Variants in DEPDC5 observed in about 807,000 individuals in gnomAD.
DEPDC5 encodes DEP domain containing 5, GATOR1 subcomplex subunit, also known as GATOR1 complex protein DEPDC5.
Under a neutral mutation model 217.3 loss-of-function variants are expected in DEPDC5, and 73 were observed. The observed-to-expected ratio is 0.34, with a 90% CI of 0.28 to 0.41. The LOEUF (loss-of-function observed/expected upper bound fraction) is 0.41, where lower values mean the gene tolerates loss of function less well. DEPDC5 is among the 10% of genes least tolerant of loss of function. DEPDC5 has a pLI of 1.00. For synonymous variants in DEPDC5, 733 were observed against 756.7 expected (o/e 0.97, Z 0.51); for missense variants, 1,675 against 2,070.1 (o/e 0.81, Z 3.70).
chr22:31,861,281 T>A (rs897707181), intron 32 of DEPDC5, 87 bp from the exon 33 acceptor site: 1 of 1,234,448 alleles, frequency 8.1e-7, no homozygotes, highest in Admixed American at 2.1e-5. Context: ...ACCTGTCTCC[T>A]TCCCCTGATG....
chr22:31,764,927 T>G lies in DEPDC5; in HGVS notation c.194-48T>G, dbSNP rs1466385318. 3 of 1,440,398 alleles carry G rather than the reference T, an allele frequency of 2.1e-6. No individual in the cohort carries two copies. In the African/African-American group the frequency reaches 4.2e-5, roughly 20 times the overall value. The allele number at this position is 1,440,398 out of a possible 1,614,324, so 89.2% of individuals were successfully genotyped here. A position where few individuals can be genotyped will look rare whatever the true frequency, so the allele number is the denominator to read the frequency against. Reference sequence around the variant, plus strand: ...GTTTATAGATTAGAATATATGGATCTGCTTTTTCAAAATATGTTATCTGAG... The same window carrying G: ...GTTTATAGATTAGAATATATGGATCGGCTTTTTCAAAATATGTTATCTGAG... On this transcript the variant is annotated intron_variant, in intron 4 of 42. Coordinates refer to ENST00000651528, the MANE Select transcript of DEPDC5 (RefSeq NM_001242896.3).
chr22:31,843,569 A>G, intron 28 of DEPDC5, 76 bp from the exon 29 acceptor site: 1 of 1,515,922 alleles, frequency 6.6e-7, no homozygotes, highest in Non-Finnish European at 9.0e-7. Context: ...CTAAGTGTAT[A>G]GAGATAGAAA....
intron 39 of DEPDC5, chr22:31,894,573 AG>A (rs1176443793): frequency 6.6e-6 from 1 of 152,192 alleles, no homozygotes; most frequent in African/African-American, 2.4e-5. Context: ...AAGACAGAAA[AG>A]GGTGGCTGGG....
chr22:31,836,861 T>C, intron 25 of DEPDC5, 111 bp from the exon 26 acceptor site: 1 of 1,038,280 alleles, frequency 9.6e-7, no homozygotes, highest in Non-Finnish European at 1.4e-6. Context: ...TTTACCATCT[T>C]TCACCCTGAA....
intron 7 of DEPDC5, among the ~76,000 whole-genome samples, chr22:31,775,195 T>C (rs557539658): frequency 6.6e-6 from 1 of 152,202 alleles, no homozygotes; most frequent in Admixed American, 6.6e-5. Context: ...TTTTTTTTTT[T>C]TGAGACAGAG....
chr22:31,829,698 T>G (rs1199683542), intron 24 of DEPDC5, among the ~76,000 whole-genome samples: 1 of 152,182 alleles, frequency 6.6e-6, no homozygotes, highest in African/African-American at 2.4e-5. Flanking sequence ...ATCATCTCTG[T>G]GGGTTTCCCT....
intron 10 of DEPDC5, among the ~76,000 whole-genome samples, chr22:31,791,592 TG>T (rs1405874609): frequency 2.8e-4 from 39 of 137,224 alleles, no homozygotes; most frequent in African/African-American, 1.0e-3. Context: ...ATTGTGCCAC[TG>T]CACTCCAGCC....
At position 31,885,735 on chromosome 22, in the gene DEPDC5, A is replaced by G. The variant is rs895780781; in HGVS notation, c.4033+5983A>G. On this transcript the variant is annotated intron_variant, in intron 38 of 42. Transcript: ENST00000651528. ...GCGAGACTCCATCTCAAAAAAAAAA[A>G]AAAAAAAGAGACAGGGTTGGCCAGG... Among the ~76,000 whole-genome samples, 15 of 145,226 alleles carry G rather than the reference A, an allele frequency of 1.0e-4. No individual in the cohort carries two copies. In the East Asian group the frequency reaches 3.2e-3, roughly 31 times the overall value.
At chr22:31,791,271 C>T (rs531016051) in intron 10 of DEPDC5, among the ~76,000 whole-genome samples, 3 of 152,238 alleles carry the variant, frequency 2.0e-5, no homozygotes, top group African/African-American at 7.2e-5. Context: ...CCCAGCAGTG[C>T]TCTGTCCCCT....
intron 33 of DEPDC5, among the ~76,000 whole-genome samples, chr22:31,870,289 C>A (rs76409488): frequency 0.021 from 3,233 of 152,180 alleles, 119 homozygotes; most frequent in Admixed American, 0.084. Flanking sequence ...GAAGCGATTT[C>A]TTTGGTCCTG....
At chr22:31,856,610 G>A (rs1048130632) in intron 31 of DEPDC5, among the ~76,000 whole-genome samples, 11 of 152,248 alleles carry the variant, frequency 7.2e-5, no homozygotes, top group South Asian at 2.1e-4. Context: ...GTGAGATGTC[G>A]TAAGGATACT....
chr22:31,801,141 A>T (rs1384944936), intron 14 of DEPDC5, among the ~76,000 whole-genome samples: 2 of 151,768 alleles, frequency 1.3e-5, no homozygotes. Context: ...AAAAATACAT[A>T]AAAAACTTGC....
At chr22:31,845,401 G>A (rs1348413687) in intron 30 of DEPDC5, among the ~76,000 whole-genome samples, 164 bp downstream of exon 30, 5 of 152,224 alleles carry the variant, frequency 3.3e-5, no homozygotes, top group Admixed American at 3.3e-4. Context: ...CGGGGTAAAG[G>A]AGGAAGGGAT....
At chr22:31,799,655 C>T (rs1214277980) in intron 14 of DEPDC5, among the ~76,000 whole-genome samples, 1 of 150,300 alleles carries the variant, frequency 6.7e-6, no homozygotes, top group Non-Finnish European at 1.5e-5. Flanking sequence ...GTGTGCACCA[C>T]CATGCCCGGC....
Position 31,901,757 on chromosome 22 carries a change from C to T in DEPDC5, c.4391C>T (p.Thr1464Met), listed in dbSNP as rs556147064. 4.2e-5 allele frequency: 68 copies of T among 1,613,262 alleles called. 1 individual carries two copies. In the Admixed American group the frequency reaches 5.7e-4, roughly 13 times the overall value. ...EHLFDSFEPE[T>M]YWDRMHLFQE... ...TTCCTTTCAGGCTTTGAACCCGAAACGTACTGGGATCGAATGCACCTCTTC... is the reference window on the plus strand; with the variant it reads ...TTCCTTTCAGGCTTTGAACCCGAAATGTACTGGGATCGAATGCACCTCTTC... Residue 1464 changes from threonine (T) to methionine (M), a missense_variant, in exon 41 of 43, where the codon ACG (threonine) becomes ATG (methionine). Transcript: ENST00000651528.
intron 6 of DEPDC5, 26 bp from the exon 7 acceptor site, chr22:31,768,788 C>A: frequency 6.3e-7 from 1 of 1,598,712 alleles, no homozygotes. Flanking sequence ...CTCCCTCTCT[C>A]TACCCCTCTC....
intron 14 of DEPDC5, among the ~76,000 whole-genome samples, chr22:31,800,912 G>T (rs886965049): frequency 6.6e-6 from 1 of 151,868 alleles, no homozygotes; most frequent in Non-Finnish European, 1.5e-5. Flanking sequence ...GGAGGTGGAG[G>T]TTGTGGCGAG....
chr22:31,813,907 T>G (rs555449787), intron 20 of DEPDC5: 28 of 152,116 alleles, frequency 1.8e-4, no homozygotes, highest in African/African-American at 6.5e-4. Flanking sequence ...CCAAGGCAGG[T>G]GGATCACTTG....
At chr22:31,866,770 C>T (rs959726139) in intron 33 of DEPDC5, among the ~76,000 whole-genome samples, 3 of 152,086 alleles carry the variant, frequency 2.0e-5, no homozygotes, top group East Asian at 1.9e-4. Flanking sequence ...TGGGTTTGTC[C>T]GAGGTTTTTT....
Sources: allele counts gnomAD v4.1 joint callset (sites outside exome capture counted in the v4.1 genomes callset), GRCh38; gene constraint gnomAD v4.1.1; transcripts MANE v1.5; gene names NCBI Gene and HGNC (gene_info 2026-07-23, HGNC 2026-07-21).